CDADC1: variants seen among roughly 807,000 people sequenced by gnomAD.
The protein encoded by CDADC1 is cytidine and dCMP deaminase domain containing 1, also known as dCTP deaminase.
A neutral mutation model predicts 54.9 loss-of-function variants in CDADC1; 39 were observed. That is an observed-to-expected ratio of 0.71 (90% CI 0.55 to 0.93). The LOEUF (loss-of-function observed/expected upper bound fraction) is 0.93, where lower values mean the gene tolerates loss of function less well. Ranked by LOEUF, CDADC1 falls within the 40% of genes least tolerant of loss-of-function variation. The pLI, the probability that CDADC1 is intolerant of heterozygous loss-of-function variation, is 0.00. For missense variants in CDADC1, 518 were observed against 618.8 expected, an observed-to-expected ratio of 0.84 and a Z score of 1.73; for synonymous variants, 186 against 204.0, an observed-to-expected ratio of 0.91 and a Z score of 0.75.
chr13:49,255,945 C>A, intron 3 of CDADC1, 32 bp downstream of exon 3: 1 of 1,594,560 alleles, frequency 6.3e-7, no homozygotes, highest in South Asian at 1.2e-5. Flanking sequence ...TATATATGCT[C>A]ATAATAACAA....
chr13:49,272,418 T>C (rs76316662), intron 5 of CDADC1, among the ~76,000 whole-genome samples: 507 of 152,284 alleles, frequency 3.3e-3, no homozygotes, highest in African/African-American at 0.011. Context: ...CCCTTTTCCC[T>C]CTACTCTGTA....
In CDADC1 at chr13:49,247,982, G is replaced by A; in HGVS notation, c.-56G>A. On this transcript the variant is annotated 5_prime_UTR_variant, in exon 1 of 10. Transcript: ENST00000251108. ...GGCGAGAGGCGGGGGCGCTAGGGCC[G>A]AGATCATGTCTGACTGGGAGAGGTT... 1.3e-6 allele frequency: 2 copies of A among 1,491,504 alleles called. No homozygotes were observed. The highest frequency in any genetic ancestry group is 1.8e-6 in the Non-Finnish European group (2 of 1,093,032). 92.4% of individuals were successfully genotyped at this position (1,491,504 alleles called of 1,614,324 possible).
At chr13:49,253,395 A>G (rs1181220315) in intron 2 of CDADC1, among the ~76,000 whole-genome samples, 1 of 152,238 alleles carries the variant, frequency 6.6e-6, no homozygotes, top group Non-Finnish European at 1.5e-5. Context: ...TAACATAAGA[A>G]AATACTTATG....
chr13:49,283,804 C>T (rs1384689567), intron 8 of CDADC1, among the ~76,000 whole-genome samples: 1 of 152,204 alleles, frequency 6.6e-6, no homozygotes, highest in Non-Finnish European at 1.5e-5. Context: ...GTTCTCTGTT[C>T]TACCTCCAGT....
At chr13:49,264,196 T>C (rs1952755303) in intron 4 of CDADC1, among the ~76,000 whole-genome samples, 2 of 152,228 alleles carry the variant, frequency 1.3e-5, no homozygotes, top group Non-Finnish European at 2.9e-5. Context: ...GTACTTGCTT[T>C]TGGCAATAAC....
chr13:49,292,377 G>A lies in CDADC1; in HGVS notation c.*620G>A, dbSNP rs1040120584. 1 of 989,698 alleles carries A rather than the reference G, an allele frequency of 1.0e-6. No homozygotes were observed. The highest frequency in any genetic ancestry group is 1.2e-6 in the Non-Finnish European group (1 of 832,270). 61.3% of individuals were successfully genotyped at this position (989,698 alleles called of 1,614,324 possible). On this transcript the variant is annotated 3_prime_UTR_variant, in exon 10 of 10. Transcript: ENST00000251108. ...TTATCACAGACTTTGGGTAGCAATA[G>A]GAAGAGAGTGTTATTCTGAGACAGT...
intron 5 of CDADC1, 136 bp downstream of exon 5, chr13:49,268,195 G>T: frequency 1.4e-6 from 1 of 701,826 alleles, no homozygotes; most frequent in Non-Finnish European, 2.3e-6. Flanking sequence ...AGAGAAGTTA[G>T]TGAGACCCTT....
Position 49,290,178 on chromosome 13 carries a change from G to A in CDADC1, c.1472-1506G>A, listed in dbSNP as rs536659518. Among the ~76,000 whole-genome samples, 6 of 152,106 alleles carry A rather than the reference G, an allele frequency of 3.9e-5. No homozygotes were observed. The South Asian group carries it at 8.3e-4, about 21-fold the overall frequency. ...GGAGTTGCCTCTGAGTGGGGTGAAAGGGGATGGGACGAGAGAGGGAGCGCA... is the reference window on the plus strand; with the variant it reads ...GGAGTTGCCTCTGAGTGGGGTGAAAAGGGATGGGACGAGAGAGGGAGCGCA... On this transcript the variant is annotated intron_variant, in intron 9 of 9. Coordinates refer to ENST00000251108, the MANE Select transcript of CDADC1 (RefSeq NM_030911.4).
intron 2 of CDADC1, among the ~76,000 whole-genome samples, chr13:49,253,286 A>G (rs141714381): frequency 1.6e-3 from 246 of 152,356 alleles, no homozygotes; most frequent in African/African-American, 5.8e-3. Context: ...TCCACCTCCT[A>G]GAGACTAATT....
chr13:49,282,117 C>T (rs1422195411), intron 8 of CDADC1, among the ~76,000 whole-genome samples: 1 of 151,728 alleles, frequency 6.6e-6, no homozygotes, highest in Non-Finnish European at 1.5e-5. Context: ...CACGACTGGC[C>T]CGGGAAAAAA....
At chr13:49,274,641 AG>A (rs1566368859) in intron 6 of CDADC1, among the ~76,000 whole-genome samples, 1 of 152,126 alleles carries the variant, frequency 6.6e-6, no homozygotes, top group African/African-American at 2.4e-5. Flanking sequence ...ACTGCACTCC[AG>A]CCTGGGTGAC....
intron 3 of CDADC1, among the ~76,000 whole-genome samples, chr13:49,256,149 T>G (rs1952543438): frequency 6.6e-6 from 1 of 150,856 alleles, no homozygotes; most frequent in Non-Finnish European, 1.5e-5. Context: ...AAAAAACTCT[T>G]GATGGTTCAT....
At chr13:49,266,471 C>T (rs901686923) in intron 4 of CDADC1, among the ~76,000 whole-genome samples, 2 of 152,192 alleles carry the variant, frequency 1.3e-5, no homozygotes, top group African/African-American at 2.4e-5. Context: ...AACCTTTCCT[C>T]TGTCACACTG....
chr13:49,247,940 T>TA lies in CDADC1; in HGVS notation c.-97dup, dbSNP rs559768967. ...GGCTGCGCCTAGTGGGCCGTTGCCT[T>TA]ACAGTTGCTGAGAGGAGGCGAGAGG... is the stretch of plus-strand genomic sequence containing the variant. On this transcript the variant is annotated 5_prime_UTR_variant, in exon 1 of 10. Transcript: ENST00000251108. 36 of 1,103,422 alleles carry TA rather than the reference T, an allele frequency of 3.3e-5. No individual in the cohort carries two copies. In the East Asian group the frequency reaches 9.1e-4, roughly 28 times the overall value. The allele number at this position is 1,103,422 out of a possible 1,614,324, so 68.4% of individuals were successfully genotyped here.
intron 8 of CDADC1, among the ~76,000 whole-genome samples, chr13:49,281,651 C>G (rs919142038): frequency 6.6e-6 from 1 of 152,164 alleles, no homozygotes; most frequent in African/African-American, 2.4e-5. Flanking sequence ...AGGCCACGGA[C>G]CAGTACTGGT....
chr13:49,288,851 G>GAA (rs1288556492), intron 9 of CDADC1, among the ~76,000 whole-genome samples: 3 of 152,162 alleles, frequency 2.0e-5, no homozygotes, highest in African/African-American at 7.2e-5. Flanking sequence ...GAGCTTTCAA[G>GAA]AAAATAAGAG....
At chr13:49,287,590 T>C (rs921945369) in intron 9 of CDADC1, among the ~76,000 whole-genome samples, 6 of 152,184 alleles carry the variant, frequency 3.9e-5, no homozygotes, top group African/African-American at 7.2e-5. Flanking sequence ...CAATGAATAA[T>C]TTCCTATGTT....
At chr13:49,277,707 AACT>A (rs1316948718) in intron 6 of CDADC1, among the ~76,000 whole-genome samples, 2 of 152,210 alleles carry the variant, frequency 1.3e-5, no homozygotes, top group Admixed American at 6.5e-5. Context: ...CATTCATATT[AACT>A]ACTATTTCTC....
At chr13:49,266,582 A>C (rs1952821664) in intron 4 of CDADC1, among the ~76,000 whole-genome samples, 1 of 152,126 alleles carries the variant, frequency 6.6e-6, no homozygotes, top group South Asian at 2.1e-4. Context: ...TCACATAAGA[A>C]TTTTTTCATG....
Sources: gnomAD v4.1 joint callset for allele counts (sites outside exome capture counted in the v4.1 genomes callset) on GRCh38, gnomAD v4.1.1 for gene constraint, MANE v1.5 for transcripts, NCBI Gene and HGNC (gene_info 2026-07-23, HGNC 2026-07-21) for gene names.